MEIKIN: variants seen among roughly 807,000 people sequenced by gnomAD.
MEIKIN encodes meiotic kinetochore factor.
At chr5:131,865,700 A>G (rs2149621728) in intron 9 of MEIKIN, among the ~76,000 whole-genome samples, 1 of 152,238 alleles carries the variant, frequency 6.6e-6, no homozygotes, top group South Asian at 2.1e-4. Flanking sequence ...TTTTCTGAAG[A>G]TGTGTGTATG....
chr5:131,891,905 G>C (rs1308971797), intron 8 of MEIKIN, among the ~76,000 whole-genome samples: 3 of 152,282 alleles, frequency 2.0e-5, no homozygotes, highest in Non-Finnish European at 1.5e-5. Flanking sequence ...TTTTAGGGCA[G>C]TCCTGGTGGT....
chr5:131,896,699 G>C (rs953819772), intron 8 of MEIKIN, among the ~76,000 whole-genome samples: 1 of 152,110 alleles, frequency 6.6e-6, no homozygotes, highest in Non-Finnish European at 1.5e-5. Flanking sequence ...GACTAGGATT[G>C]CAACTACTGC....
chr5:131,844,160 G>A (rs1749969361), intron 11 of MEIKIN, among the ~76,000 whole-genome samples: 2 of 152,068 alleles, frequency 1.3e-5, no homozygotes, highest in Non-Finnish European at 2.9e-5. Flanking sequence ...CAGCAAGGGG[G>A]AAACTGCCCC....
Position 131,941,142 on chromosome 5 carries a change from C to CTTTTTTTTTTTTTTTTTTT in MEIKIN, c.349+1474_349+1492dup, listed in dbSNP as rs397999274. ...TTGACAATTCCTTCAAGATCTCTTC[C>CTTTTTTTTTTTTTTTTTTT]TTTTTTTTTTTTTTTTTTTTTTTTT... is the stretch of plus-strand genomic sequence containing the variant. On this transcript the variant is annotated intron_variant, in intron 4 of 12. Transcript: ENST00000442687. Among the ~76,000 whole-genome samples, 3 of 59,662 alleles carry CTTTTTTTTTTTTTTTTTTT rather than the reference C, an allele frequency of 5.0e-5. 1 individual carries two copies. The highest frequency in any genetic ancestry group is 5.4e-4 in the Admixed American group (2 of 3,698). The allele number at this position is 59,662 out of a possible 152,430, so 39.1% of individuals were successfully genotyped here.
intron 4 of MEIKIN, among the ~76,000 whole-genome samples, chr5:131,941,021 T>C (rs965155869): frequency 6.6e-6 from 1 of 151,970 alleles, no homozygotes; most frequent in African/African-American, 2.4e-5. Context: ...GGTTTTCTCC[T>C]GGCAGCAGGC....
In MEIKIN at chr5:131,828,723, T is replaced by C. The variant is rs1278620477; in HGVS notation, c.976-9860A>G. Among the ~76,000 whole-genome samples the C allele has an allele frequency of 3.3e-5, 5 of 152,194 alleles. No homozygotes were observed. In the East Asian group the frequency reaches 7.7e-4, roughly 23 times the overall value. ...CACATTATATAGAAAAAGACTCATA[T>C]TAAAGCACATTTCAAAGAATCCATA... On this transcript the variant is annotated intron_variant, in intron 11 of 12. Transcript: ENST00000442687.
At chr5:131,932,179 A>T (rs537689662) in intron 5 of MEIKIN, among the ~76,000 whole-genome samples, 1 of 152,244 alleles carries the variant, frequency 6.6e-6, no homozygotes, top group Admixed American at 6.5e-5. Flanking sequence ...AGCAGATCCC[A>T]TAATTTAGGA....
At chr5:131,865,679 CA>C (rs1750371384) in intron 9 of MEIKIN, among the ~76,000 whole-genome samples, 2 of 152,176 alleles carry the variant, frequency 1.3e-5, no homozygotes, top group African/African-American at 2.4e-5. Flanking sequence ...TTGCTTTCAT[CA>C]GGGGCACATT....
At chr5:131,872,618 C>T (rs925483315) in intron 9 of MEIKIN, among the ~76,000 whole-genome samples, 13 of 152,026 alleles carry the variant, frequency 8.6e-5, no homozygotes, top group East Asian at 1.9e-4. Context: ...GCAAGGCAGG[C>T]CAACATTCAC....
chr5:131,850,366 G>T (rs759079395), intron 11 of MEIKIN, among the ~76,000 whole-genome samples: 1 of 152,076 alleles, frequency 6.6e-6, no homozygotes, highest in African/African-American at 2.4e-5. Context: ...AAGGGATCCT[G>T]AATAGTAAAA....
intron 8 of MEIKIN, among the ~76,000 whole-genome samples, chr5:131,902,389 T>C (rs1349880702): frequency 6.6e-6 from 1 of 151,868 alleles, no homozygotes; most frequent in Non-Finnish European, 1.5e-5. Context: ...GCCAAGATGG[T>C]GTCACTGCAC....
At chr5:131,850,937 G>C (rs1161190126) in intron 11 of MEIKIN, among the ~76,000 whole-genome samples, 3 of 151,656 alleles carry the variant, frequency 2.0e-5, no homozygotes, top group African/African-American at 7.3e-5. Context: ...GACAGAGTGA[G>C]ACTCTGTCAA....
At chr5:131,833,214 C>T (rs546669222) in intron 11 of MEIKIN, among the ~76,000 whole-genome samples, 1 of 152,342 alleles carries the variant, frequency 6.6e-6, no homozygotes, top group South Asian at 2.1e-4. Flanking sequence ...TACCCTAAAT[C>T]ATCTCTCTCA....
intron 11 of MEIKIN, among the ~76,000 whole-genome samples, chr5:131,839,792 T>C (rs189685475): frequency 7.1e-4 from 108 of 152,316 alleles, no homozygotes; most frequent in Middle Eastern, 3.4e-3. Flanking sequence ...TGGGTCTTGC[T>C]TCTCTATCCA....
intron 6 of MEIKIN, among the ~76,000 whole-genome samples, chr5:131,921,449 G>A (rs1323837970): frequency 1.3e-5 from 2 of 152,154 alleles, no homozygotes; most frequent in African/African-American, 2.4e-5. Flanking sequence ...CCTGAGGTCA[G>A]GAGTTCAAGA....
rs537288972 is a variant in MEIKIN, at chr5:131,836,551, C to T, written c.975+14713G>A. On this transcript the variant is annotated intron_variant, in intron 11 of 12. Transcript: ENST00000442687. ...TGTTCCTTTTTCTCCACAACCTCATCAGCATCTGCTATTTTTTTACTTTTT... is the reference window on the plus strand; with the variant it reads ...TGTTCCTTTTTCTCCACAACCTCATTAGCATCTGCTATTTTTTTACTTTTT... 5.9e-5 allele frequency among the ~76,000 whole-genome samples: 9 copies of T among 152,306 alleles called. No homozygotes were observed. In the East Asian group the frequency reaches 1.5e-3, roughly 26 times the overall value.
At chr5:131,897,576 T>C (rs929784099) in intron 8 of MEIKIN, among the ~76,000 whole-genome samples, 4 of 152,190 alleles carry the variant, frequency 2.6e-5, no homozygotes, top group Admixed American at 1.3e-4. Flanking sequence ...TCTTGGAGGC[T>C]TGTTTGTTCC....
intron 8 of MEIKIN, among the ~76,000 whole-genome samples, chr5:131,882,689 C>T: frequency 6.6e-6 from 1 of 152,160 alleles, no homozygotes; most frequent in Non-Finnish European, 1.5e-5. Context: ...ATAGTCCTTA[C>T]AATAGTATAC....
chr5:131,939,373 T>G, intron 4 of MEIKIN, among the ~76,000 whole-genome samples: 1 of 147,726 alleles, frequency 6.8e-6, no homozygotes, highest in East Asian at 2.0e-4. Context: ...GTTTTCAGCT[T>G]TTTTTTTTTT....
Sources: allele counts gnomAD v4.1 joint callset (sites outside exome capture counted in the v4.1 genomes callset), GRCh38; gene constraint gnomAD v4.1.1; transcripts MANE v1.5; gene names NCBI Gene and HGNC (gene_info 2026-07-23, HGNC 2026-07-21).